Variants in PLD3 observed in about 807,000 individuals in gnomAD.
PLD3 encodes 5'-3' exonuclease PLD3.
Under a neutral mutation model 58.4 loss-of-function variants are expected in PLD3, and 31 were observed. That is an observed-to-expected ratio of 0.53 (90% CI 0.40 to 0.72). PLD3 has a LOEUF of 0.72. Ranked by LOEUF, PLD3 falls within the 30% of genes least tolerant of loss-of-function variation. The pLI, the probability that PLD3 is intolerant of heterozygous loss-of-function variation, is 0.00. For missense variants in PLD3, 595 were observed against 659.8 expected, an observed-to-expected ratio of 0.90 and a Z score of 1.08; for synonymous variants, 264 against 273.4, an observed-to-expected ratio of 0.97 and a Z score of 0.34.
intron 1 of PLD3, chr19:40,358,468 T>G (rs1401287101): frequency 2.0e-5 from 3 of 152,224 alleles, no homozygotes; most frequent in Non-Finnish European, 4.4e-5. Flanking sequence ...GCCAGGCTGG[T>G]CTCGAACTCC....
At chr19:40,362,122 A>C (rs10425715) in intron 1 of PLD3, among the ~76,000 whole-genome samples, 132,888 of 152,216 alleles carry the variant, frequency 0.87, 57,997 homozygotes, top group Admixed American at 0.89. Flanking sequence ...CAGGCGTGAG[A>C]CACCGCGCCT....
Position 40,366,694 on chromosome 19 carries a change from C to G in PLD3, c.102+10C>G. 1.2e-6 allele frequency: 2 copies of G among 1,611,472 alleles called. No homozygotes were observed. The highest frequency in any genetic ancestry group is 1.3e-5 in the African/African-American group (1 of 74,970). On this transcript the variant is annotated intron_variant, in intron 4 of 12. Coordinates refer to ENST00000409735, the MANE Select transcript of PLD3 (RefSeq NM_012268.4). ...GAAGGCTGCGGAAAAGGTAGGAGCC[C>G]TCCGCCACCCTCGCTCTGTCTCAGA...
intron 1 of PLD3, among the ~76,000 whole-genome samples, chr19:40,352,274 GATAA>G (rs1393262252): frequency 1.3e-5 from 2 of 151,902 alleles, no homozygotes; most frequent in Admixed American, 1.3e-4. Flanking sequence ...CTCCATCTCA[GATAA>G]ATAAATAAAT....
Position 40,366,626 on chromosome 19 carries a change from AG to A in PLD3, c.46del (p.Glu16SerfsTer8). The part of the protein sequence containing the change: ...LMYQELKVPA[E>X]EPANELPMNE... ...CATCCCCAGCTGAAGGTGCCTGCAG[AG>A]GAGCCCGCCAATGAGCTGCCCATGA... On this transcript the variant is annotated frameshift_variant, in exon 4 of 13. Transcript: ENST00000409735. LOFTEE classifies it high-confidence loss of function. 1 of 1,579,878 alleles carries A rather than the reference AG, an allele frequency of 6.3e-7. No individual in the cohort carries two copies.
chr19:40,362,034 G>A lies in PLD3; in HGVS notation c.-278-3684G>A, dbSNP rs539796830. 9.9e-5 allele frequency among the ~76,000 whole-genome samples: 15 copies of A among 151,716 alleles called. No homozygotes were observed. In the East Asian group the frequency reaches 2.3e-3, roughly 24 times the overall value. On this transcript the variant is annotated intron_variant, in intron 1 of 12. Transcript: ENST00000409735. ...GTATTTTTAGTAGAGATGGGATTTC[G>A]CCATGTTGGCCAGGCTGGTCTCGAA...
At chr19:40,370,378 C>G in intron 8 of PLD3, 141 bp downstream of exon 8, 1 of 902,214 alleles carries the variant, frequency 1.1e-6, no homozygotes. Flanking sequence ...TCCTACCAGG[C>G]CTCCCTAATC....
chr19:40,370,677 C>T (rs1263066122), intron 8 of PLD3: 1 of 155,096 alleles, frequency 6.4e-6, no homozygotes, highest in Non-Finnish European at 1.4e-5. Flanking sequence ...TGTTACAAAA[C>T]AAAGAATCCC....
intron 1 of PLD3, among the ~76,000 whole-genome samples, chr19:40,365,355 A>G (rs530653773): frequency 1.3e-5 from 2 of 152,328 alleles, no homozygotes; most frequent in Admixed American, 6.5e-5. Context: ...TTTTTTTAAA[A>G]AATCAAATAC....
chr19:40,365,279 G>A (rs2078889404), intron 1 of PLD3, among the ~76,000 whole-genome samples: 1 of 152,122 alleles, frequency 6.6e-6, no homozygotes, highest in Non-Finnish European at 1.5e-5. Context: ...ATCCCTCTTG[G>A]GAGATATGGG....
At chr19:40,366,961 C>T in intron 5 of PLD3, 46 bp downstream of exon 5, 3 of 1,556,534 alleles carry the variant, frequency 1.9e-6, no homozygotes, top group Non-Finnish European at 2.6e-6. Flanking sequence ...CCTGCCAGAC[C>T]AGGTACACTT....
chr19:40,348,788 C>T lies in PLD3; in HGVS notation c.-279+20C>T, dbSNP rs2078396174. 1 of 319,882 alleles carries T rather than the reference C, an allele frequency of 3.1e-6. No homozygotes were observed. The highest frequency in any genetic ancestry group is 5.7e-6 in the Non-Finnish European group (1 of 174,250). 19.8% of individuals were successfully genotyped at this position (319,882 alleles called of 1,614,324 possible). On this transcript the variant is annotated intron_variant, in intron 1 of 12. Transcript: ENST00000409735. ...GTGCAGGTACTGTGCGATCTGGGGG[C>T]GCGGCGCCTCGGCTACCCTCCTCGT...
chr19:40,374,907 A>C, intron 10 of PLD3: 1 of 392,494 alleles, frequency 2.5e-6, no homozygotes, highest in Non-Finnish European at 4.7e-6. Flanking sequence ...TGTAATCCCA[A>C]CATTTTGCGG....
rs201305945 is a variant in PLD3, at chr19:40,377,950, C to T, written c.1286-36C>T. 1.9e-5 allele frequency: 31 copies of T among 1,611,948 alleles called. 1 individual carries two copies. Among genetic ancestry groups the T allele is most frequent in the South Asian group, 8.8e-5 (8 of 91,026 alleles). On this transcript the variant is annotated intron_variant, in intron 12 of 12. Coordinates refer to ENST00000409735, the MANE Select transcript of PLD3 (RefSeq NM_012268.4). Reference sequence around the variant, plus strand: ...GGTTCAGACACCAGGGGCGGCCCCCCGAGGGTGCCCTTATGCTCCACCCAT... The same window carrying T: ...GGTTCAGACACCAGGGGCGGCCCCCTGAGGGTGCCCTTATGCTCCACCCAT...
chr19:40,372,516 G>C (rs1275673129), intron 9 of PLD3, among the ~76,000 whole-genome samples: 1 of 151,034 alleles, frequency 6.6e-6, no homozygotes, highest in Non-Finnish European at 1.5e-5. Context: ...AGCCAGGCAT[G>C]GTTTCTCATC....
intron 1 of PLD3, chr19:40,365,404 CCT>C (rs770859819): frequency 9.2e-5 from 14 of 152,186 alleles, no homozygotes; most frequent in Non-Finnish European, 2.1e-4. Context: ...TTCACCATCT[CCT>C]CTGACCTTTT....
chr19:40,375,515 T>A (rs1273618473), intron 10 of PLD3, among the ~76,000 whole-genome samples: 1 of 151,236 alleles, frequency 6.6e-6, no homozygotes. Flanking sequence ...CCAGGTGTGG[T>A]GGCAGGCGCC....
rs369360772 is a variant in PLD3 at position 40,375,916 on chromosome 19, G to A, written c.1020-693G>A. ...AAAAATTGGAAGATTAGCCCAGTGCGGTGGCACTCACCTGCAGTCCCAGCT... is the reference window on the plus strand; with the variant it reads ...AAAAATTGGAAGATTAGCCCAGTGCAGTGGCACTCACCTGCAGTCCCAGCT... On this transcript the variant is annotated intron_variant, in intron 10 of 12. Transcript: ENST00000409735. Among the ~76,000 whole-genome samples the A allele has an allele frequency of 1.4e-4, 22 of 152,094 alleles. No individual in the cohort carries two copies. In the East Asian group the frequency reaches 4.1e-3, roughly 28 times the overall value.
At chr19:40,369,125 T>G (rs536895927) in intron 6 of PLD3, among the ~76,000 whole-genome samples, 12 of 151,282 alleles carry the variant, frequency 7.9e-5, no homozygotes, top group African/African-American at 2.7e-4. Flanking sequence ...ACCCTGTCTC[T>G]AAAAAAAAAT....
Position 40,366,493 on chromosome 19 carries a change from A to G in PLD3, c.10A>G (p.Lys4Glu). 6.2e-7 allele frequency: 1 copy of G among 1,613,760 alleles called. No individual in the cohort carries two copies. Among genetic ancestry groups the G allele is most frequent in the South Asian group, 1.1e-5 (1 of 91,080 alleles). MKP[K>E]LMYQELKVPA... is the part of the protein sequence containing the mutation. ...CCAGCCTTGAGGGAAGATGAAGCCT[A>G]AACTGATGTACCAGGAGGTAGGTGG... The change falls in exon 3 of 13, where the codon AAA becomes GAA. Residue 4 changes from lysine (K) to glutamate (E), a missense_variant. Coordinates refer to ENST00000409735, the MANE Select transcript of PLD3 (RefSeq NM_012268.4).
Sources: allele counts gnomAD v4.1 joint callset (sites outside exome capture counted in the v4.1 genomes callset), GRCh38; gene constraint gnomAD v4.1.1; transcripts MANE v1.5; gene names NCBI Gene and HGNC (gene_info 2026-07-23, HGNC 2026-07-21).